PRPF6: variants seen among roughly 807,000 people sequenced by gnomAD.
The protein encoded by PRPF6 is pre-mRNA processing factor 6.
Under a neutral mutation model 118.3 loss-of-function variants are expected in PRPF6, and 42 were observed. The ratio of observed to expected loss-of-function variants is 0.35; its 90% CI spans 0.28 to 0.46. The LOEUF is 0.46. Ranked by LOEUF, PRPF6 falls within the 20% of genes least tolerant of loss-of-function variation. The pLI, the probability that PRPF6 is intolerant of heterozygous loss-of-function variation, is 1.00. For synonymous variants in PRPF6, 481 were observed against 485.1 expected, an observed-to-expected ratio of 0.99 and a Z score of 0.11; for missense variants, 662 against 1,255.7, an observed-to-expected ratio of 0.53 and a Z score of 7.15.
intron 9 of PRPF6, 126 bp from the exon 10 acceptor site, chr20:64,010,074 G>A (rs755113376): frequency 1.2e-4 from 96 of 819,822 alleles, no homozygotes; most frequent in Non-Finnish European, 1.9e-4. Flanking sequence ...ATAAAGGGCA[G>A]GTGTGTGGTC....
intron 19 of PRPF6, among the ~76,000 whole-genome samples, chr20:64,031,672 C>CA (rs568394576): frequency 0.025 from 1,900 of 75,206 alleles, 19 homozygotes; most frequent in Middle Eastern, 0.056. Flanking sequence ...GACTCCTTCT[C>CA]AAAAAAAAAA....
chr20:63,993,274 A>T, intron 3 of PRPF6, 133 bp from the exon 4 acceptor site: 1 of 480,260 alleles, frequency 2.1e-6, no homozygotes, highest in Non-Finnish European at 3.9e-6. Context: ...ATATGTATAT[A>T]TATATATATA....
chr20:63,994,957 C>T lies in PRPF6; in HGVS notation c.480C>T (p.Ile160=), dbSNP rs773370395. ...TCACAGAAGAAGAGTGGCTGAGCATCCCCGAGGTTGGCGATGCCAGAAATA... is the reference window on the plus strand; with the variant it reads ...TCACAGAAGAAGAGTGGCTGAGCATTCCCGAGGTTGGCGATGCCAGAAATA... ...AEVTEEEWLS[I]PEVGDARNKR... Residue 160 remains isoleucine, a synonymous_variant, in exon 5 of 21, where the codon ATC becomes ATT. Coordinates refer to ENST00000266079, the MANE Select transcript of PRPF6 (RefSeq NM_012469.4). 6.8e-6 allele frequency: 11 copies of T among 1,614,026 alleles called. No individual in the cohort carries two copies. The highest frequency in any genetic ancestry group is 1.1e-5 in the South Asian group (1 of 91,086).
chr20:64,027,486 A>G lies in PRPF6; in HGVS notation c.2206-117A>G. 3 of 1,463,532 alleles carry G rather than the reference A, an allele frequency of 2.0e-6. No individual in the cohort carries two copies. The highest frequency in any genetic ancestry group is 1.4e-5 in the African/African-American group (1 of 71,808). The allele number at this position is 1,463,532 out of a possible 1,614,324, so 90.7% of individuals were successfully genotyped here. A position where few individuals can be genotyped will look rare whatever the true frequency, so the allele number is the denominator to read the frequency against. On this transcript the variant is annotated intron_variant, in intron 16 of 20. Coordinates refer to ENST00000266079, the MANE Select transcript of PRPF6 (RefSeq NM_012469.4). This position sits in a 1 kb window ranked among gnomAD's most constrained non-coding sequence, Gnocchi z 6.5. Reference sequence around the variant, plus strand: ...TGCAGAGTGTGAGGGGTGTTTTTCCATGGACATGGCAGCCCTGAGGGACTC... The same window carrying G: ...TGCAGAGTGTGAGGGGTGTTTTTCCGTGGACATGGCAGCCCTGAGGGACTC...
At chr20:63,991,299 A>G (rs1390501742) in intron 3 of PRPF6, among the ~76,000 whole-genome samples, 1 of 151,642 alleles carries the variant, frequency 6.6e-6, no homozygotes, top group Non-Finnish European at 1.5e-5. Flanking sequence ...ACATGCCCGT[A>G]GTTCCAGCTA....
rs2059279147 is a variant in PRPF6, at chr20:64,024,497, T to C, written c.1770-58T>C. 7.5e-6 allele frequency: 12 copies of C among 1,606,056 alleles called. No homozygotes were observed. In the South Asian group the frequency reaches 1.3e-4, roughly 18 times the overall value. On this transcript the variant is annotated intron_variant, in intron 13 of 20. Transcript: ENST00000266079. ...GGCGTGCCCACGCCATGGCTGAGTG[T>C]GATGTGTGTTCTGGTTTATGGCCCT...
chr20:64,017,364 C>T (rs1468923885), intron 12 of PRPF6, among the ~76,000 whole-genome samples: 3 of 149,760 alleles, frequency 2.0e-5, no homozygotes, highest in East Asian at 2.0e-4. Context: ...CGTGAGCCAC[C>T]GCGCCCGGCC....
intron 9 of PRPF6, among the ~76,000 whole-genome samples, chr20:64,009,215 A>G (rs2059203485): frequency 7.8e-6 from 1 of 128,908 alleles, no homozygotes; most frequent in Non-Finnish European, 1.6e-5. Flanking sequence ...CGGGTGGCAG[A>G]GGTTGCAGTG....
chr20:64,024,093 G>T (rs771939714), intron 13 of PRPF6, among the ~76,000 whole-genome samples: 21 of 152,164 alleles, frequency 1.4e-4, no homozygotes, highest in Non-Finnish European at 4.4e-5. Context: ...CCCACGGCTG[G>T]CAGTTTTGCT....
At position 64,011,491 on chromosome 20, in the gene PRPF6, G is replaced by A. The variant is rs2123053849; in HGVS notation, c.1512G>A (p.Glu504=). 1 of 1,613,174 alleles carries A rather than the reference G, an allele frequency of 6.2e-7. No individual in the cohort carries two copies. Among genetic ancestry groups the A allele is most frequent in the Non-Finnish European group, 8.5e-7 (1 of 1,179,914 alleles). Residue 504 remains glutamate (E), a synonymous_variant, in exon 11 of 21, where the codon GAG becomes GAA. Coordinates refer to ENST00000266079, the MANE Select transcript of PRPF6 (RefSeq NM_012469.4). The surrounding 1 kb of genome is among the most constrained non-coding windows in gnomAD (Gnocchi z 6.7). The part of the protein sequence containing the change: ...LRANGVEINR[E]QWIQDAEECD... ...CCAACGGTGTGGAGATCAACCGTGAGCAGTGGATCCAGGTGGGCCGCAGGC... is the reference window on the plus strand; with the variant it reads ...CCAACGGTGTGGAGATCAACCGTGAACAGTGGATCCAGGTGGGCCGCAGGC...
At position 64,029,555 on chromosome 20, in the gene PRPF6, T is replaced by C; in HGVS notation, c.2546+64T>C. 1 of 1,354,660 alleles carries C rather than the reference T, an allele frequency of 7.4e-7. No individual in the cohort carries two copies. The highest frequency in any genetic ancestry group is 1.1e-6 in the Non-Finnish European group (1 of 947,202). 83.9% of individuals were successfully genotyped at this position (1,354,660 alleles called of 1,614,324 possible). On this transcript the variant is annotated intron_variant, in intron 19 of 20. Coordinates refer to ENST00000266079, the MANE Select transcript of PRPF6 (RefSeq NM_012469.4). The surrounding 1 kb of genome is among the most constrained non-coding windows in gnomAD (Gnocchi z 4.8). The stretch of plus-strand genomic sequence containing the variant: ...CCTAATGGGCTCTTTTTCCAGAGTC[T>C]GTCTGCCTCTTCCTGGTCATTGTAA...
chr20:63,985,710 A>G (rs1279173182), intron 3 of PRPF6, among the ~76,000 whole-genome samples: 1 of 152,230 alleles, frequency 6.6e-6, no homozygotes, highest in Non-Finnish European at 1.5e-5. Flanking sequence ...AACCATGAAG[A>G]AATCCCAAAC....
chr20:63,995,117 G>C, intron 5 of PRPF6, 25 bp downstream of exon 5: 1 of 1,613,980 alleles, frequency 6.2e-7, no homozygotes. Flanking sequence ...AAGGGCACAT[G>C]TGGCCCATTT....
At chr20:64,017,287 T>C (rs2059242841) in intron 12 of PRPF6, among the ~76,000 whole-genome samples, 1 of 147,438 alleles carries the variant, frequency 6.8e-6, no homozygotes. Context: ...ATGCCTGGCC[T>C]CCCAAAGTGC....
chr20:64,009,851 C>G (rs986467912), intron 9 of PRPF6, among the ~76,000 whole-genome samples: 26 of 152,322 alleles, frequency 1.7e-4, no homozygotes, highest in Middle Eastern at 3.4e-3. Context: ...TGCCTCTTTT[C>G]AGACGTCACA....
intron 11 of PRPF6, among the ~76,000 whole-genome samples, chr20:64,015,426 T>G (rs1229202992): frequency 1.3e-5 from 2 of 152,190 alleles, no homozygotes; most frequent in African/African-American, 4.8e-5. Flanking sequence ...TGGGATGGTT[T>G]TCTGGTGCTG....
At chr20:63,981,531 C>T (rs561303372) in intron 1 of PRPF6, among the ~76,000 whole-genome samples, 94 of 152,280 alleles carry the variant, frequency 6.2e-4, no homozygotes, top group South Asian at 4.6e-3. Context: ...ACTCTCAGCC[C>T]AGTGTTTTGG....
intron 19 of PRPF6, among the ~76,000 whole-genome samples, 196 bp from the exon 20 acceptor site, chr20:64,031,722 G>A (rs573118174): frequency 2.4e-4 from 37 of 151,246 alleles, no homozygotes; most frequent in African/African-American, 9.0e-4. Context: ...GGTTAGACCC[G>A]TGAAGGGCAG....
chr20:64,028,694 G>C lies in PRPF6; in HGVS notation c.2431+125G>C. 1 of 987,424 alleles carries C rather than the reference G, an allele frequency of 1.0e-6. No individual in the cohort carries two copies. The highest frequency in any genetic ancestry group is 1.5e-6 in the Non-Finnish European group (1 of 653,386). 61.2% of individuals were successfully genotyped at this position (987,424 alleles called of 1,614,324 possible). A position where few individuals can be genotyped will look rare whatever the true frequency, so the allele number is the denominator to read the frequency against. ...CAGGGCTGGCACTTCCTGAGGGAGT[G>C]GGGGCTCAGGCTTCAGACGGACTTT... On this transcript the variant is annotated intron_variant, in intron 18 of 20. Transcript: ENST00000266079. This position sits in a 1 kb window ranked among gnomAD's most constrained non-coding sequence, Gnocchi z 6.5.
Sources: gnomAD v4.1 joint callset for allele counts (sites outside exome capture counted in the v4.1 genomes callset) on GRCh38, gnomAD v4.1.1 for gene constraint, Gnocchi (gnomAD v3.1) non-coding constraint, MANE v1.5 for transcripts, NCBI Gene and HGNC (gene_info 2026-07-23, HGNC 2026-07-21) for gene names.